The following PUDP variants were observed in gnomAD, a reference collection of about 807,000 sequenced individuals.
PUDP encodes pseudouridine-5'-phosphatase.
In PUDP, 8 loss-of-function variants were observed where a neutral mutation model predicts 9.4. The observed-to-expected ratio is 0.85, with a 90% CI of 0.50 to 1.53. PUDP has a LOEUF of 1.53. PUDP is among the 40% of genes most tolerant of loss of function. The pLI is 0.00. For missense variants in PUDP, 188 were observed against 189.7 expected (o/e 0.99, Z 0.05); for synonymous variants, 99 against 80.7 (o/e 1.23, Z -1.22).
chrX:7,013,613 T>C (rs1929507496), intron 1 of PUDP, among the ~76,000 whole-genome samples: 1 of 111,951 alleles, frequency 8.9e-6, no homozygotes, highest in African/African-American at 3.3e-5. Context: ...CTAGCCATTT[T>C]GAAGGAGGAG....
chrX:6,843,615 T>C (rs1569109550), intron 3 of PUDP, among the ~76,000 whole-genome samples: 1 of 111,646 alleles, frequency 9.0e-6, no homozygotes, highest in Non-Finnish European at 1.9e-5. Flanking sequence ...ATCAACAGCA[T>C]GTCGATGAGC....
At chrX:7,030,332 G>A (rs768311161) in intron 1 of PUDP, among the ~76,000 whole-genome samples, 3 of 111,154 alleles carry the variant, frequency 2.7e-5, no homozygotes, top group South Asian at 8.0e-4. Flanking sequence ...CACATCTCTC[G>A]GGGAATGTTT....
In PUDP at chrX:7,148,085, T is replaced by A; in HGVS notation, c.29A>T (p.His10Leu). The change falls in exon 1 of 4, where the codon CAC becomes CTC. Residue 10 changes from histidine to leucine, a missense_variant. His to Leu is a moderately conservative substitution (Grantham distance 99). Transcript: ENST00000381077. MAAPPQPVT[H>L]LIFDMDGLLL... The stretch of plus-strand genomic sequence containing the variant: ...AAGTCCGTCCATGTCAAAGATGAGG[T>A]GGGTGACGGGCTGCGGGGGCGCCGC... The A allele has an allele frequency of 1.8e-6, 2 of 1,128,000 alleles. No homozygotes were observed. Among genetic ancestry groups the A allele is most frequent in the Non-Finnish European group, 2.3e-6 (2 of 852,159 alleles). The allele number at this position is 1,128,000 out of a possible 1,213,427, so 93.0% of individuals were successfully genotyped here. A position where few individuals can be genotyped will look rare whatever the true frequency, so the allele number is the denominator to read the frequency against.
At chrX:6,952,124 C>T (rs1928566801) in intron 3 of PUDP, among the ~76,000 whole-genome samples, 1 of 111,716 alleles carries the variant, frequency 9.0e-6, no homozygotes, top group African/African-American at 3.3e-5. Flanking sequence ...TATGGAAACA[C>T]CCATTATTGA....
At chrX:6,734,819 T>G in intron 3 of PUDP, among the ~76,000 whole-genome samples, 1 of 111,871 alleles carries the variant, frequency 8.9e-6, no homozygotes, top group Non-Finnish European at 1.9e-5. Context: ...CCTTAGATTT[T>G]GCAGCAGTGG....
chrX:7,087,170 G>A (rs1931289172), intron 2 of PUDP, among the ~76,000 whole-genome samples: 1 of 111,915 alleles, frequency 8.9e-6, no homozygotes, highest in African/African-American at 3.2e-5. Flanking sequence ...ATGTAATCAA[G>A]TTATTATGAG....
At chrX:6,870,247 T>C (rs1391095126) in intron 3 of PUDP, among the ~76,000 whole-genome samples, 1 of 111,928 alleles carries the variant, frequency 8.9e-6, no homozygotes, top group Non-Finnish European at 1.9e-5. Flanking sequence ...GTGGTCATTG[T>C]AAAACAACAT....
rs766716626 is a variant in PUDP at position 7,038,849 on chromosome X, G to A, written c.204+38371C>T. Among the ~76,000 whole-genome samples the A allele has an allele frequency of 3.6e-5, 4 of 112,057 alleles. No homozygotes were observed. In the East Asian group the frequency reaches 8.4e-4, roughly 23 times the overall value. On this transcript the variant is annotated intron_variant and NMD_transcript_variant, in intron 1 of 3. Coordinates refer to the PUDP transcript ENST00000655425. ...TCAAGATCCCATTGGGATGAATATC[G>A]TTCTTTCCTCGGATTGTTCCTTCAT...
chrX:6,926,183 G>T (rs754681803), intron 3 of PUDP, among the ~76,000 whole-genome samples: 4 of 111,323 alleles, frequency 3.6e-5, no homozygotes, highest in Non-Finnish European at 7.5e-5. Flanking sequence ...CACTGGGTAG[G>T]GTCCTGCATA....
chrX:6,760,606 T>G (rs1430571525), intron 3 of PUDP, among the ~76,000 whole-genome samples: 1 of 112,137 alleles, frequency 8.9e-6, no homozygotes, highest in Non-Finnish European at 1.9e-5. Flanking sequence ...GAAAGACACC[T>G]TCTGCAGAGC....
intron 3 of PUDP, among the ~76,000 whole-genome samples, chrX:6,813,465 C>T (rs1186452808): frequency 9.0e-6 from 1 of 111,443 alleles, no homozygotes; most frequent in Non-Finnish European, 1.9e-5. Flanking sequence ...GGAACAGAGA[C>T]TTCCTTCCAA....
intron 3 of PUDP, among the ~76,000 whole-genome samples, chrX:6,743,953 A>G (rs751007018): frequency 4.5e-5 from 5 of 111,928 alleles, no homozygotes; most frequent in Admixed American, 2.9e-4. Context: ...CAGTGTCTTC[A>G]TGATGTAATA....
intron 2 of PUDP, among the ~76,000 whole-genome samples, chrX:7,097,234 T>A (rs1335431757): frequency 1.8e-5 from 2 of 111,692 alleles, no homozygotes; most frequent in Non-Finnish European, 3.8e-5. Flanking sequence ...ATCCCAATGG[T>A]TCTCCCTATC....
rs1927300420 is a variant in PUDP, at chrX:6,878,619, A to T, written c.*247+98514T>A. On this transcript the variant is annotated intron_variant and NMD_transcript_variant, in intron 3 of 3. Transcript: ENST00000655425. The stretch of plus-strand genomic sequence containing the variant: ...GTGATCCTCCCGCCTTGGCCTCCCA[A>T]AGTGCTGGGATTACAGGCGTGAGTC... 2.7e-5 allele frequency among the ~76,000 whole-genome samples: 3 copies of T among 112,003 alleles called. No homozygotes were observed. The South Asian group carries it at 1.1e-3, about 41-fold the overall frequency.
intron 3 of PUDP, among the ~76,000 whole-genome samples, chrX:6,869,831 C>A (rs58076817): frequency 0.093 from 10,275 of 110,537 alleles, 608 homozygotes; most frequent in East Asian, 0.46. Context: ...TGGTGCGGCT[C>A]TTATGAAAAA....
chrX:7,104,488 G>A (rs1931824266), intron 2 of PUDP, among the ~76,000 whole-genome samples: 1 of 111,861 alleles, frequency 8.9e-6, no homozygotes, highest in African/African-American at 3.3e-5. Flanking sequence ...ATAGCAACAT[G>A]AATAGACTTA....
At chrX:7,091,272 G>A (rs752362616) in intron 2 of PUDP, among the ~76,000 whole-genome samples, 43 of 111,849 alleles carry the variant, frequency 3.8e-4, no homozygotes, top group African/African-American at 1.4e-3. Flanking sequence ...TGGTAACTCA[G>A]GTCTCCTAGG....
downstream of PUDP, among the ~76,000 whole-genome samples, chrX:7,044,638 C>T (rs1310631201): frequency 1.8e-5 from 2 of 111,981 alleles, no homozygotes; most frequent in Admixed American, 9.4e-5. Flanking sequence ...TCAGTCACCA[C>T]AAGGTGGGTA....
In PUDP at chrX:7,105,839, C is replaced by A; in HGVS notation, c.62-1G>T. The A allele has an allele frequency of 1.7e-6, 2 of 1,159,033 alleles. No homozygotes were observed. The highest frequency in any genetic ancestry group is 4.8e-5 in the Admixed American group (2 of 41,299). On this transcript the variant is annotated splice_acceptor_variant, in intron 1 of 3. Transcript: ENST00000381077. LOFTEE classifies it high-confidence loss of function. ...ACCACTGAATACAGCCGTTCAGTAT[C>A]TGCAGGAAAAAAAAAAGAGATTTTT...
Sources: gnomAD v4.1 joint callset for allele counts (sites outside exome capture counted in the v4.1 genomes callset) on GRCh38, gnomAD v4.1.1 for gene constraint, MANE v1.5 for transcripts, NCBI Gene and HGNC (gene_info 2026-07-23, HGNC 2026-07-21) for gene names.